EDIL3: variants seen among roughly 807,000 people sequenced by gnomAD.
EDIL3 encodes the protein EGF like and discoidin domains 3.
Under a neutral mutation model 67.4 loss-of-function variants are expected in EDIL3, and 37 were observed. That is an observed-to-expected ratio of 0.55 (90% CI 0.42 to 0.72). The LOEUF (loss-of-function observed/expected upper bound fraction) is 0.72, where lower values mean the gene tolerates loss of function less well. EDIL3 is among the 30% of genes least tolerant of loss of function. The pLI, the probability that EDIL3 is intolerant of heterozygous loss-of-function variation, is 0.00. For synonymous variants in EDIL3, 195 were observed against 196.3 expected, an observed-to-expected ratio of 0.99 and a Z score of 0.05; for missense variants, 527 against 586.3, an observed-to-expected ratio of 0.90 and a Z score of 1.04.
intron 4 of EDIL3, among the ~76,000 whole-genome samples, chr5:84,168,785 C>T (rs899045599): frequency 2.0e-5 from 3 of 152,188 alleles, no homozygotes; most frequent in South Asian, 2.1e-4. Context: ...TCCACGCTTA[C>T]CCCCACCTGA....
intron 3 of EDIL3, among the ~76,000 whole-genome samples, chr5:84,223,169 G>A (rs1442268265): frequency 6.6e-6 from 1 of 151,634 alleles, no homozygotes; most frequent in African/African-American, 2.4e-5. Flanking sequence ...ACAAGGTCCA[G>A]GGAATCTTTG....
chr5:84,066,672 A>G, intron 6 of EDIL3, 66 bp from the exon 7 acceptor site: 1 of 1,546,188 alleles, frequency 6.5e-7, no homozygotes, highest in Non-Finnish European at 8.7e-7. Context: ...GAAAATACGA[A>G]TTTTAGAAAT....
chr5:84,118,428 C>A (rs920621930), intron 5 of EDIL3, among the ~76,000 whole-genome samples: 3 of 152,066 alleles, frequency 2.0e-5, no homozygotes, highest in Non-Finnish European at 2.9e-5. Context: ...TTTACAAATG[C>A]AGGTAATTTA....
chr5:84,069,914 A>G (rs1746706807), intron 6 of EDIL3, among the ~76,000 whole-genome samples: 1 of 152,118 alleles, frequency 6.6e-6, no homozygotes, highest in African/African-American at 2.4e-5. Context: ...ACAGACCAGC[A>G]GAAGAGCACA....
At chr5:84,162,528 T>G (rs1275203268) in intron 4 of EDIL3, among the ~76,000 whole-genome samples, 2 of 152,100 alleles carry the variant, frequency 1.3e-5, no homozygotes, top group African/African-American at 4.8e-5. Flanking sequence ...GGGCTCTTTT[T>G]TTCCTGGGAC....
chr5:84,361,124 A>G (rs1198791527), intron 1 of EDIL3, among the ~76,000 whole-genome samples: 1 of 152,110 alleles, frequency 6.6e-6, no homozygotes, highest in Non-Finnish European at 1.5e-5. Context: ...AAAGACAGAC[A>G]AGCGATGGTT....
chr5:84,319,499 A>AAAAAAAAAAAAAAAAAAAAAAAAAAAAC (rs1746586358), intron 1 of EDIL3, among the ~76,000 whole-genome samples: 3 of 9,742 alleles, frequency 3.1e-4, no homozygotes, highest in Non-Finnish European at 1.8e-3. Context: ...AACAACAAAA[A>AAAAAAAAAAAAAAAAAAAAAAAAAAAAC]AAAAAAAAAA....
intron 3 of EDIL3, among the ~76,000 whole-genome samples, chr5:84,221,603 A>C (rs767633993): frequency 2.6e-5 from 4 of 152,058 alleles, no homozygotes; most frequent in African/African-American, 4.8e-5. Context: ...CTTTCCACTA[A>C]TGTCTTGGTA....
intron 4 of EDIL3, among the ~76,000 whole-genome samples, chr5:84,162,565 A>G (rs780331388): frequency 3.9e-5 from 6 of 151,944 alleles, no homozygotes; most frequent in Non-Finnish European, 5.9e-5. Flanking sequence ...ATGACATTTC[A>G]TCACTGGGAA....
At chr5:84,344,008 G>A (rs1554043386) in intron 1 of EDIL3, among the ~76,000 whole-genome samples, 1 of 152,052 alleles carries the variant, frequency 6.6e-6, no homozygotes, top group Non-Finnish European at 1.5e-5. Context: ...ACTTTTCTGA[G>A]AAATGTTCCC....
intron 1 of EDIL3, among the ~76,000 whole-genome samples, chr5:84,331,845 T>C (rs1746878889): frequency 6.6e-6 from 1 of 152,148 alleles, no homozygotes; most frequent in Non-Finnish European, 1.5e-5. Flanking sequence ...AAAACCAACA[T>C]AATCTCAATC....
At chr5:84,102,991 G>A (rs976539918) in intron 6 of EDIL3, among the ~76,000 whole-genome samples, 2 of 151,902 alleles carry the variant, frequency 1.3e-5, no homozygotes, top group African/African-American at 4.8e-5. Flanking sequence ...GTAACCAAAA[G>A]TACTGTTTTG....
intron 9 of EDIL3, among the ~76,000 whole-genome samples, chr5:84,001,077 A>C (rs1745322451): frequency 6.6e-6 from 1 of 152,034 alleles, no homozygotes. Flanking sequence ...TTGAGACAGA[A>C]TCTCTGTTGC....
chr5:84,203,306 A>C (rs1188666638), intron 3 of EDIL3, among the ~76,000 whole-genome samples: 1 of 152,208 alleles, frequency 6.6e-6, no homozygotes, highest in African/African-American at 2.4e-5. Flanking sequence ...ACTACACCTC[A>C]TGTTTGCCTA....
intron 1 of EDIL3, among the ~76,000 whole-genome samples, chr5:84,318,370 C>G (rs576394510): frequency 6.6e-6 from 1 of 152,196 alleles, no homozygotes; most frequent in South Asian, 2.1e-4. Flanking sequence ...GCAAAAAGAA[C>G]AAAGCTGGAG....
chr5:84,117,280 T>C (rs1747688460), intron 5 of EDIL3, among the ~76,000 whole-genome samples: 1 of 152,030 alleles, frequency 6.6e-6, no homozygotes. Flanking sequence ...TCCACCCGCC[T>C]TGGCCTCCCA....
At chr5:84,241,774 G>T (rs1447090851) in intron 2 of EDIL3, among the ~76,000 whole-genome samples, 1 of 151,360 alleles carries the variant, frequency 6.6e-6, no homozygotes. Context: ...AATGATGAAA[G>T]AATAGTCAGA....
At chr5:84,349,575 AAATTCCATTTTT>A (rs781406930) in intron 1 of EDIL3, among the ~76,000 whole-genome samples, 51 of 152,158 alleles carry the variant, frequency 3.4e-4, no homozygotes, top group Non-Finnish European at 5.3e-4. Context: ...CTTTAAATAT[AAATTCCATTTTT>A]AAATGGAATT....
intron 9 of EDIL3, among the ~76,000 whole-genome samples, chr5:84,013,050 C>T (rs1745543025): frequency 6.6e-6 from 1 of 151,836 alleles, no homozygotes; most frequent in African/African-American, 2.4e-5. Context: ...TGTTTTGTTT[C>T]AGACATATAA....
Sources: gnomAD v4.1 joint callset for allele counts (sites outside exome capture counted in the v4.1 genomes callset) on GRCh38, gnomAD v4.1.1 for gene constraint, MANE v1.5 for transcripts, NCBI Gene and HGNC (gene_info 2026-07-23, HGNC 2026-07-21) for gene names.